The following CAST variants were observed in gnomAD, a reference collection of about 807,000 sequenced individuals.
CAST encodes the protein calpastatin, also known as MIR583 host.
Under a neutral mutation model 119.6 loss-of-function variants are expected in CAST, and 76 were observed. The observed-to-expected ratio is 0.64, with a 90% confidence interval of 0.53 to 0.77. CAST has a LOEUF of 0.77. Ranked by LOEUF, CAST falls within the 30% of genes least tolerant of loss-of-function variation. The pLI is 0.00. For synonymous variants in CAST, 319 were observed against 331.6 expected (o/e 0.96, Z 0.41); for missense variants, 953 against 946.5 (o/e 1.01, Z -0.09).
intron 2 of CAST, among the ~76,000 whole-genome samples, chr5:96,678,392 T>G (rs1053817638): frequency 6.6e-6 from 1 of 152,202 alleles, no homozygotes; most frequent in Non-Finnish European, 1.5e-5. Context: ...AAAATTTGCT[T>G]TCTATCTTCT....
the CAST span, among the ~76,000 whole-genome samples, chr5:96,202,362 A>G: frequency 6.6e-6 from 1 of 152,104 alleles, no homozygotes; most frequent in African/African-American, 2.4e-5. Flanking sequence ...ATAACAATGA[A>G]TATTTTTTCC....
the CAST span, among the ~76,000 whole-genome samples, chr5:96,178,811 C>G: frequency 1.3e-5 from 2 of 152,140 alleles, no homozygotes; most frequent in African/African-American, 4.8e-5. Flanking sequence ...GTAATGGGTG[C>G]ATAGATGAGA....
chr5:96,355,766 A>T, the CAST span, among the ~76,000 whole-genome samples: 1 of 151,488 alleles, frequency 6.6e-6, no homozygotes, highest in African/African-American at 2.4e-5. Context: ...CAGTGACGTG[A>T]TCTCAGCTCA....
the CAST span, among the ~76,000 whole-genome samples, chr5:96,168,135 T>C: frequency 2.0e-5 from 3 of 152,116 alleles, no homozygotes; most frequent in Non-Finnish European, 4.4e-5. Flanking sequence ...AAGAGATTGA[T>C]AGGTGGAAGT....
At chr5:96,131,689 C>CA in the CAST span, among the ~76,000 whole-genome samples, 1 of 152,108 alleles carries the variant, frequency 6.6e-6, no homozygotes, top group Non-Finnish European at 1.5e-5. Flanking sequence ...TACATGAGAG[C>CA]AATGAGCCCA....
At chr5:96,399,845 C>T in the CAST span, 2 of 829,780 alleles carry the variant, frequency 2.4e-6, no homozygotes, top group Non-Finnish European at 2.0e-6. Flanking sequence ...AATTCCACCT[C>T]CATCTACTTC....
intron 1 of CAST, among the ~76,000 whole-genome samples, chr5:96,634,104 T>A (rs1317925630): frequency 6.6e-6 from 1 of 152,236 alleles, no homozygotes; most frequent in African/African-American, 2.4e-5. Context: ...CTATTGTGGT[T>A]GTGCTGACTG....
chr5:95,962,728 A>C, the CAST span, among the ~76,000 whole-genome samples: 3 of 152,284 alleles, frequency 2.0e-5, no homozygotes, highest in Admixed American at 6.5e-5. Flanking sequence ...ATATCTCCTT[A>C]AAAAGGACTC....
At chr5:96,268,290 G>A in the CAST span, among the ~76,000 whole-genome samples, 1 of 152,088 alleles carries the variant, frequency 6.6e-6, no homozygotes, top group African/African-American at 2.4e-5. Flanking sequence ...AGGCACAGAG[G>A]ACCCAACTGC....
chr5:95,994,808 A>G, the CAST span, among the ~76,000 whole-genome samples: 19 of 152,162 alleles, frequency 1.2e-4, no homozygotes, highest in African/African-American at 4.1e-4. Flanking sequence ...TGAAAACTGC[A>G]TGTGCTATAT....
the CAST span, among the ~76,000 whole-genome samples, chr5:96,039,721 C>T: frequency 5.9e-5 from 9 of 152,216 alleles, no homozygotes; most frequent in South Asian, 2.1e-4. Context: ...TATTCTGTTC[C>T]ATTGGTTTAT....
Position 96,598,822 on chromosome 5 carries a change from C to G in CAST, c.60+68942C>G, listed in dbSNP as rs537415311. Among the ~76,000 whole-genome samples the G allele has an allele frequency of 5.3e-5, 8 of 152,274 alleles. No homozygotes were observed. The East Asian group carries it at 1.5e-3, about 29-fold the overall frequency. The stretch of plus-strand genomic sequence containing the variant: ...GGCCTGAATAGAACAAAAACACTGA[C>G]CCTCCCTCTAGTACGAGAGGACTCC... On this transcript the variant is annotated intron_variant, in intron 1 of 11. Coordinates refer to the CAST transcript ENST00000505143.
chr5:96,061,533 G>C, the CAST span, among the ~76,000 whole-genome samples: 1 of 152,080 alleles, frequency 6.6e-6, no homozygotes, highest in South Asian at 2.1e-4. Flanking sequence ...CAGATGAATT[G>C]ATCTGGGTAC....
At chr5:96,760,973 A>G (rs1767750639) in intron 24 of CAST, 1 of 152,114 alleles carries the variant, frequency 6.6e-6, no homozygotes, top group Non-Finnish European at 1.5e-5. Context: ...AAACACTAGC[A>G]TATGTTATAC....
the CAST span, chr5:96,432,939 C>T: frequency 1.2e-6 from 2 of 1,614,226 alleles, no homozygotes; most frequent in Non-Finnish European, 1.7e-6. Context: ...CTCCGCTGCC[C>T]ATTCATTGAC....
At chr5:96,059,588 TA>T in the CAST span, among the ~76,000 whole-genome samples, 290 of 152,130 alleles carry the variant, frequency 1.9e-3, 1 homozygote, top group South Asian at 8.9e-3. Flanking sequence ...GGCTTCCTGT[TA>T]AGGGAGTGGT....
At chr5:96,676,969 G>T (rs1015046452) in intron 2 of CAST, among the ~76,000 whole-genome samples, 24 of 151,372 alleles carry the variant, frequency 1.6e-4, no homozygotes, top group South Asian at 1.5e-3. Context: ...CAGGAGAATC[G>T]CGTGAACCTG....
At chr5:96,258,877 C>T in the CAST span, among the ~76,000 whole-genome samples, 1 of 152,176 alleles carries the variant, frequency 6.6e-6, no homozygotes, top group Non-Finnish European at 1.5e-5. Context: ...AAAATACAAT[C>T]TTATATGATG....
chr5:95,991,102 T>G, the CAST span, among the ~76,000 whole-genome samples: 1 of 152,208 alleles, frequency 6.6e-6, no homozygotes, highest in Non-Finnish European at 1.5e-5. Flanking sequence ...CATCAAAAAT[T>G]TATTGCTGCA....
Sources: allele counts gnomAD v4.1 joint callset (sites outside exome capture counted in the v4.1 genomes callset), GRCh38; gene constraint gnomAD v4.1.1; transcripts MANE v1.5; gene names NCBI Gene and HGNC (gene_info 2026-07-23, HGNC 2026-07-21).